Variants in PSMA5 observed in about 807,000 individuals in gnomAD.
PSMA5 encodes the protein proteasome subunit alpha type-5.
In PSMA5, 3 loss-of-function variants were observed where a neutral mutation model predicts 34.5. That is an observed-to-expected ratio of 0.09 (90% CI 0.04 to 0.22). The LOEUF (loss-of-function observed/expected upper bound fraction) is 0.22, where lower values mean the gene tolerates loss of function less well. PSMA5 is among the 10% of genes least tolerant of loss of function. The pLI is 1.00. For synonymous variants in PSMA5, 88 were observed against 95.8 expected (o/e 0.92, Z 0.47); for missense variants, 120 against 286.1 (o/e 0.42, Z 4.19).
chr1:109,426,314 G>C lies in PSMA5; in HGVS notation c.17C>G (p.Ser6Cys). The change falls in exon 1 of 9, where the codon TCT becomes TGT. Residue 6 changes from serine (S) to cysteine (C), a missense_variant. Physicochemically the swap from Ser to Cys is moderately radical, Grantham distance 112. Around this residue, in one of 3 missense-constraint regions of PSMA5, gnomAD observed 17 missense variants for 63.5 expected, o/e 0.27. Coordinates refer to ENST00000271308, the MANE Select transcript of PSMA5 (RefSeq NM_002790.4). ...CAGCTGCACGGACCTGTCGTACTCA[G>C]ACCGGGTAAGAAACATGGCGAGGGT... MFLTR[S>C]EYDRGVNTFS... 1 of 1,614,032 alleles carries C rather than the reference G, an allele frequency of 6.2e-7. No individual in the cohort carries two copies. The highest frequency in any genetic ancestry group is 8.5e-7 in the Non-Finnish European group (1 of 1,179,968).
intron 3 of PSMA5, chr1:109,414,715 T>C (rs1654124852): frequency 6.6e-6 from 1 of 152,296 alleles, no homozygotes; most frequent in Non-Finnish European, 1.5e-5. Flanking sequence ...CAATTAATTA[T>C]TTTGCCAATG....
At chr1:109,405,155 C>A (rs537336742) in intron 8 of PSMA5, among the ~76,000 whole-genome samples, 1 of 152,122 alleles carries the variant, frequency 6.6e-6, no homozygotes, top group Non-Finnish European at 1.5e-5. Flanking sequence ...GGAGACAGTA[C>A]GTTAAAGTGG....
In PSMA5 at chr1:109,412,494, T is replaced by C. The variant is rs910258692; in HGVS notation, c.292-310A>G. On this transcript the variant is annotated intron_variant, in intron 4 of 8. Coordinates refer to ENST00000271308, the MANE Select transcript of PSMA5 (RefSeq NM_002790.4). ...AAGTGCCTCTTTCCCTCAAAGACTC[T>C]AGCTTATTCTGTTGATGTTCAAATG... The C allele has an allele frequency of 3.5e-5, 9 of 259,560 alleles. No individual in the cohort carries two copies. The Admixed American group carries it at 4.3e-4, about 13-fold the overall frequency. The allele number at this position is 259,560 out of a possible 1,614,324, so 16.1% of individuals were successfully genotyped here. A position where few individuals can be genotyped will look rare whatever the true frequency, so the allele number is the denominator to read the frequency against.
chr1:109,424,604 T>C (rs1012012281), intron 1 of PSMA5, among the ~76,000 whole-genome samples: 1 of 151,778 alleles, frequency 6.6e-6, no homozygotes, highest in Non-Finnish European at 1.5e-5. Flanking sequence ...GAGGAAACCC[T>C]GTCTCTACTA....
chr1:109,419,870 G>A (rs948614490), intron 2 of PSMA5, among the ~76,000 whole-genome samples: 50 of 151,356 alleles, frequency 3.3e-4, no homozygotes, highest in African/African-American at 1.2e-3. Flanking sequence ...GCTACTTTGG[G>A]GGCTGAGGCG....
Position 109,400,591 on chromosome 1 carries a change from C to T in PSMA5, c.*1422G>A, listed in dbSNP as rs1263163675. 1 of 152,192 alleles carries T rather than the reference C, an allele frequency of 6.6e-6. No homozygotes were observed. The highest frequency in any genetic ancestry group is 1.5e-5 in the Non-Finnish European group (1 of 68,032). The allele number at this position is 152,192 out of a possible 1,614,324, so 9.4% of individuals were successfully genotyped here. ...TTAAAATCACTAGAAGTCTCTGGAA[C>T]ATTCAGTAACAATATACTCTAATTC... is the stretch of plus-strand genomic sequence containing the variant. On this transcript the variant is annotated 3_prime_UTR_variant, in exon 9 of 9. Transcript: ENST00000271308.
At chr1:109,408,695 C>CA (rs1557839973) in intron 8 of PSMA5, among the ~76,000 whole-genome samples, 1 of 145,956 alleles carries the variant, frequency 6.9e-6, no homozygotes, top group African/African-American at 2.5e-5. Flanking sequence ...TTTCTTTCAG[C>CA]TTTTTTTTTT....
intron 2 of PSMA5, among the ~76,000 whole-genome samples, chr1:109,415,918 C>A (rs1654175399): frequency 1.3e-5 from 2 of 152,100 alleles, no homozygotes; most frequent in Admixed American, 6.5e-5. Context: ...AGAACCACCA[C>A]CATCATCACC....
In PSMA5 at chr1:109,411,952, A is replaced by C. The variant is rs761575404; in HGVS notation, c.400-17T>G. 4.4e-6 allele frequency: 7 copies of C among 1,605,268 alleles called. No individual in the cohort carries two copies. The highest frequency in any genetic ancestry group is 5.1e-6 in the Non-Finnish European group (6 of 1,172,002). ...GGGACGAGACTAGAACCAAAAAATA[A>C]GAGATATTAAGATAAATGGCTATAA... On this transcript the variant is annotated splice_polypyrimidine_tract_variant and intron_variant, in intron 5 of 8. Transcript: ENST00000271308.
intron 2 of PSMA5, among the ~76,000 whole-genome samples, chr1:109,420,345 A>T (rs1292522146): frequency 6.6e-6 from 1 of 152,158 alleles, no homozygotes; most frequent in Non-Finnish European, 1.5e-5. Flanking sequence ...TTCATCTTTC[A>T]TAATGAAAAG....
In PSMA5 at chr1:109,401,138, G is replaced by T. The variant is rs982321462; in HGVS notation, c.*875C>A. On this transcript the variant is annotated 3_prime_UTR_variant, in exon 9 of 9. Transcript: ENST00000271308. Reference sequence around the variant, plus strand: ...AATCATATGATGGCAGCTCTAATGGGGAAAGTTCATCATTCATTCCAAAGT... The same window carrying T: ...AATCATATGATGGCAGCTCTAATGGTGAAAGTTCATCATTCATTCCAAAGT... The T allele has an allele frequency of 4.6e-5, 7 of 152,140 alleles. No homozygotes were observed. The highest frequency in any genetic ancestry group is 4.6e-4 in the Admixed American group (7 of 15,272). The allele number at this position is 152,140 out of a possible 1,614,324, so 9.4% of individuals were successfully genotyped here.
At chr1:109,403,097 C>A (rs1653603175) in intron 8 of PSMA5, among the ~76,000 whole-genome samples, 1 of 152,154 alleles carries the variant, frequency 6.6e-6, no homozygotes, top group Admixed American at 6.5e-5. Flanking sequence ...TCAGTAATAA[C>A]TGGAAATCCA....
intron 8 of PSMA5, among the ~76,000 whole-genome samples, chr1:109,408,755 A>G (rs913703651): frequency 5.3e-5 from 8 of 151,536 alleles, no homozygotes; most frequent in African/African-American, 1.5e-4. Flanking sequence ...CAGTGGTGCA[A>G]TCTCGGCTCA....
At chr1:109,406,559 C>A (rs960806013) in intron 8 of PSMA5, among the ~76,000 whole-genome samples, 32 of 152,190 alleles carry the variant, frequency 2.1e-4, no homozygotes, top group Non-Finnish European at 3.4e-4. Flanking sequence ...ATTAGCCAGG[C>A]ATGGTGTGTG....
rs1164694472 is a variant in PSMA5 at position 109,412,148 on chromosome 1, C to T, written c.328G>A (p.Glu110Lys). ...WFTYNETMTV[E>K]SVTQAVSNLA... ...TTGGACACAGCTTGGGTCACACTCT[C>T]CACTGTCATTGTCTCATTGTAGGTG... The change falls in exon 5 of 9, where the codon GAG (glutamate) becomes AAG (lysine). Residue 110 changes from glutamate (E) to lysine (K), a missense_variant. By Grantham distance (56) the Glu-to-Lys change is moderately conservative. This residue lies in a region of PSMA5 where 83 missense variants were observed against 203.2 expected (regional missense o/e 0.41). Coordinates refer to ENST00000271308, the MANE Select transcript of PSMA5 (RefSeq NM_002790.4). The T allele has an allele frequency of 6.2e-7, 1 of 1,614,062 alleles. No individual in the cohort carries two copies. Among genetic ancestry groups the T allele is most frequent in the African/African-American group, 1.3e-5 (1 of 75,026 alleles).
chr1:109,426,006 C>T, intron 1 of PSMA5: 1 of 550,658 alleles, frequency 1.8e-6, no homozygotes, highest in Non-Finnish European at 3.3e-6. Flanking sequence ...TTGGCCTTCT[C>T]CGGGTTCAAG....
intron 1 of PSMA5, chr1:109,425,614 C>T (rs1269214631): frequency 2.0e-5 from 3 of 152,076 alleles, no homozygotes; most frequent in Non-Finnish European, 4.4e-5. Flanking sequence ...ACTTAACTGA[C>T]GAAAACAGAA....
rs1007591757 is a variant in PSMA5 at position 109,401,093 on chromosome 1, T to G, written c.*920A>C. ...AATTTTTGAGGCTGAGATAGAATGA[T>G]TCTTTAAACAATCTCCACCAATCAT... On this transcript the variant is annotated 3_prime_UTR_variant, in exon 9 of 9. Coordinates refer to ENST00000271308, the MANE Select transcript of PSMA5 (RefSeq NM_002790.4). The G allele has an allele frequency of 2.0e-5, 3 of 152,194 alleles. No homozygotes were observed. Among genetic ancestry groups the G allele is most frequent in the African/African-American group, 7.2e-5 (3 of 41,442 alleles). 9.4% of individuals were successfully genotyped at this position (152,194 alleles called of 1,614,324 possible).
At chr1:109,410,095 T>A in intron 7 of PSMA5, 81 bp from the exon 8 acceptor site, 1 of 911,548 alleles carries the variant, frequency 1.1e-6, no homozygotes, top group Non-Finnish European at 1.7e-6. Context: ...TTTATCTCAC[T>A]GAAAAAAGTA....
Sources: allele counts gnomAD v4.1 joint callset (sites outside exome capture counted in the v4.1 genomes callset), GRCh38; gene constraint gnomAD v4.1.1; regional missense constraint gnomAD v4.1.1; transcripts MANE v1.5; gene names NCBI Gene and HGNC (gene_info 2026-07-23, HGNC 2026-07-21).